NUGGC: variants seen among roughly 807,000 people sequenced by gnomAD.
NUGGC encodes the protein nuclear GTPase SLIP-GC.
NUGGC carries 58 observed loss-of-function variants against 92.6 expected under a neutral mutation model. The observed-to-expected ratio is 0.63, with a 90% CI of 0.51 to 0.78. The LOEUF (loss-of-function observed/expected upper bound fraction) is 0.78. NUGGC is among the 30% of genes least tolerant of loss of function. The pLI, the probability that NUGGC is intolerant of heterozygous loss-of-function variation, is 0.00. For missense variants in NUGGC, 925 were observed against 964.6 expected (o/e 0.96, Z 0.54); for synonymous variants, 376 against 366.4 (o/e 1.03, Z -0.30).
chr8:28,052,387 C>A (rs1810028947), intron 10 of NUGGC, among the ~76,000 whole-genome samples: 1 of 151,974 alleles, frequency 6.6e-6, no homozygotes, highest in South Asian at 2.1e-4. Context: ...AAAAATGTGA[C>A]CTTATATGGA....
intron 17 of NUGGC, 76 bp downstream of exon 17, chr8:28,029,190 C>T (rs1230527101): frequency 1.1e-5 from 17 of 1,490,574 alleles, no homozygotes; most frequent in Non-Finnish European, 1.0e-5. Context: ...ACTATGCCTT[C>T]CACCTTCTGC....
chr8:28,068,972 G>A (rs897237771), intron 4 of NUGGC, among the ~76,000 whole-genome samples: 45 of 152,196 alleles, frequency 3.0e-4, no homozygotes, highest in African/African-American at 9.2e-4. Context: ...TGGTCCACCC[G>A]CCTCGGCCTC....
At chr8:28,029,803 GCAAA>G (rs1259994587) in intron 16 of NUGGC, among the ~76,000 whole-genome samples, 4 of 152,008 alleles carry the variant, frequency 2.6e-5, no homozygotes, top group South Asian at 2.1e-4. Context: ...AGCAAGCCAA[GCAAA>G]CAAACAAACA....
intron 6 of NUGGC, among the ~76,000 whole-genome samples, chr8:28,066,710 T>A (rs1000531390): frequency 6.6e-6 from 1 of 152,230 alleles, no homozygotes; most frequent in Non-Finnish European, 1.5e-5. Flanking sequence ...GAAATTGAAT[T>A]TTAACTTAAA....
chr8:28,055,828 C>T (rs779130676), intron 10 of NUGGC, 137 bp downstream of exon 10: 16 of 561,928 alleles, frequency 2.8e-5, no homozygotes, highest in South Asian at 1.5e-4. Context: ...GTGAGACCCG[C>T]GTCTCAAAAC....
At chr8:28,056,244 C>T (rs1305319037) in intron 9 of NUGGC, among the ~76,000 whole-genome samples, 190 bp from the exon 10 acceptor site, 1 of 152,010 alleles carries the variant, frequency 6.6e-6, no homozygotes, top group African/African-American at 2.4e-5. Flanking sequence ...GTTGGGAGGC[C>T]AAGGTAGGCA....
At chr8:28,041,969 C>A (rs764177391) in intron 12 of NUGGC, among the ~76,000 whole-genome samples, 4 of 152,024 alleles carry the variant, frequency 2.6e-5, no homozygotes, top group Non-Finnish European at 4.4e-5. Context: ...GTGGGGGGGA[C>A]CTGGTGGGAG....
chr8:28,074,377 G>A lies in NUGGC; in HGVS notation c.34C>T (p.Pro12Ser), dbSNP rs749119203. 6.2e-7 allele frequency: 1 copy of A among 1,612,710 alleles called. No individual in the cohort carries two copies. Among genetic ancestry groups the A allele is most frequent in the Non-Finnish European group, 8.5e-7 (1 of 1,178,796 alleles). Residue 12 changes from proline to serine, a missense_variant, in exon 2 of 19, where the codon CCG (proline) becomes TCG (serine). Transcript: ENST00000413272. ...ACTGCAAAGATGTTACCTGGATGCG[G>A]TTCCTGGCCAAAAACATCCTTCGTT... is the stretch of plus-strand genomic sequence containing the variant. ...AETKDVFGQE[P>S]HPVEDDLYKE...
intron 10 of NUGGC, among the ~76,000 whole-genome samples, chr8:28,048,766 G>A (rs373876938): frequency 6.7e-6 from 1 of 149,924 alleles, no homozygotes; most frequent in East Asian, 2.0e-4. Flanking sequence ...GGGAGGCTGA[G>A]ACAAGAGAAT....
chr8:28,032,469 G>A (rs1809444180), intron 14 of NUGGC, among the ~76,000 whole-genome samples: 1 of 152,140 alleles, frequency 6.6e-6, no homozygotes, highest in Admixed American at 6.5e-5. Flanking sequence ...TGTAATCCCA[G>A]CACTTTGGGA....
At chr8:28,025,025 C>T (rs1809221754) in intron 18 of NUGGC, among the ~76,000 whole-genome samples, 1 of 152,196 alleles carries the variant, frequency 6.6e-6, no homozygotes, top group Non-Finnish European at 1.5e-5. Context: ...GTTTCGCTTC[C>T]CTGCCACATA....
intron 2 of NUGGC, 63 bp downstream of exon 2, chr8:28,074,304 CT>C: frequency 8.5e-7 from 1 of 1,170,288 alleles, no homozygotes; most frequent in Non-Finnish European, 1.3e-6. Context: ...ACCTATTTGC[CT>C]TTTATCCTAT....
chr8:28,047,473 T>G, intron 11 of NUGGC, 34 bp downstream of exon 11: 1 of 1,320,826 alleles, frequency 7.6e-7, no homozygotes. Flanking sequence ...ATCTTGAGAA[T>G]TTTAGTGATG....
At chr8:28,026,423 G>C (rs1809261274) in intron 18 of NUGGC, among the ~76,000 whole-genome samples, 1 of 152,204 alleles carries the variant, frequency 6.6e-6, no homozygotes, top group South Asian at 2.1e-4. Context: ...CCTACACCAA[G>C]GTCCACAGCT....
intron 5 of NUGGC, 28 bp from the exon 6 acceptor site, chr8:28,067,772 C>T (rs765469389): frequency 2.6e-6 from 4 of 1,553,908 alleles, no homozygotes; most frequent in African/African-American, 1.4e-5. Flanking sequence ...GGCCAAGCCC[C>T]TCTTGACACA....
intron 6 of NUGGC, among the ~76,000 whole-genome samples, chr8:28,066,598 A>G (rs2130242738): frequency 6.6e-6 from 1 of 152,354 alleles, no homozygotes; most frequent in East Asian, 1.9e-4. Context: ...GCAATATTTT[A>G]AAGGTGTATT....
intron 13 of NUGGC, among the ~76,000 whole-genome samples, chr8:28,037,094 A>G (rs1287860735): frequency 6.6e-6 from 1 of 151,960 alleles, no homozygotes; most frequent in East Asian, 1.9e-4. Flanking sequence ...ACTGTCTACG[A>G]TTCCTCGTTT....
At chr8:28,065,241 A>T (rs1810411742) in intron 6 of NUGGC, among the ~76,000 whole-genome samples, 1 of 145,702 alleles carries the variant, frequency 6.9e-6, no homozygotes, top group Non-Finnish European at 1.5e-5. Context: ...GCTCACTACA[A>T]GCTCCGCCTC....
intron 7 of NUGGC, among the ~76,000 whole-genome samples, chr8:28,063,374 C>T (rs144862978): frequency 2.6e-5 from 4 of 152,316 alleles, no homozygotes; most frequent in African/African-American, 9.6e-5. Context: ...CAGCGAGAGG[C>T]CCTGGCAGCC....
Sources: gnomAD v4.1 joint callset for allele counts (sites outside exome capture counted in the v4.1 genomes callset) on GRCh38, gnomAD v4.1.1 for gene constraint, MANE v1.5 for transcripts, NCBI Gene and HGNC (gene_info 2026-07-23, HGNC 2026-07-21) for gene names.